Variants in JMJD1C observed in about 807,000 individuals in gnomAD.
JMJD1C encodes the protein jumonji domain-containing protein 1C.
Under a neutral mutation model 245.3 loss-of-function variants are expected in JMJD1C, and 31 were observed. The observed-to-expected ratio is 0.13, with a 90% CI of 0.09 to 0.17. The LOEUF is 0.17. Among genes scored for constraint, JMJD1C ranks in the 10% least tolerant of loss-of-function variants. The pLI, the probability that JMJD1C is intolerant of heterozygous loss-of-function variation, is 1.00. For missense variants in JMJD1C, 2,691 were observed against 3,000.2 expected (o/e 0.90, Z 2.41); for synonymous variants, 1,057 against 1,017.4 (o/e 1.04, Z -0.74).
intron 21 of JMJD1C, 133 bp from the exon 22 acceptor site, chr10:63,183,702 C>T: frequency 2.0e-6 from 1 of 497,842 alleles, no homozygotes. Context: ...ATTACAAAAA[C>T]CTGTTCCAAA....
intron 2 of JMJD1C, among the ~76,000 whole-genome samples, chr10:63,318,228 G>C (rs1940346048): frequency 6.6e-6 from 1 of 152,006 alleles, no homozygotes; most frequent in African/African-American, 2.4e-5. Context: ...TGTTGCCCAG[G>C]CTAGTCTTGA....
intron 1 of JMJD1C, among the ~76,000 whole-genome samples, chr10:63,497,452 A>G (rs1218054997): frequency 1.3e-5 from 2 of 152,242 alleles, no homozygotes; most frequent in African/African-American, 4.8e-5. Context: ...AGGCAAATCT[A>G]TAGAGACAGA....
In JMJD1C at chr10:63,208,739, T is replaced by C. The variant is rs777659851; in HGVS notation, c.2930A>G (p.Asn977Ser). ...LRSVASTSAK[N>S]DLDLNRSQTG... The stretch of plus-strand genomic sequence containing the variant: ...CTGTGACCTATTTAGATCCAGGTCA[T>C]TTTTGGCTGATGTGGATGCAACAGA... Residue 977 changes from asparagine (N) to serine (S), a missense_variant, in exon 10 of 26, where the codon AAT (asparagine) becomes AGT (serine). Physicochemically the swap from Asn to Ser is conservative, Grantham distance 46. Around this residue, in one of 9 missense-constraint regions of JMJD1C, gnomAD observed 1,562 missense variants for 1,490.7 expected, o/e 1.05. Transcript: ENST00000399262. 6.2e-7 allele frequency: 1 copy of C among 1,613,334 alleles called. No homozygotes were observed. The highest frequency in any genetic ancestry group is 8.5e-7 in the Non-Finnish European group (1 of 1,179,602).
intron 1 of JMJD1C, among the ~76,000 whole-genome samples, chr10:63,431,968 C>T (rs1343057586): frequency 1.3e-5 from 2 of 152,116 alleles, no homozygotes; most frequent in Admixed American, 6.5e-5. Flanking sequence ...GCCAAGATGG[C>T]GTCACTGCAC....
chr10:63,422,699 T>G (rs1211910417), intron 1 of JMJD1C, among the ~76,000 whole-genome samples: 1 of 152,218 alleles, frequency 6.6e-6, no homozygotes, highest in Non-Finnish European at 1.5e-5. Flanking sequence ...CTTCCTGAAT[T>G]TGATTACCAC....
chr10:63,466,102 G>A (rs1019493568), upstream of JMJD1C: 21 of 191,322 alleles, frequency 1.1e-4, no homozygotes, highest in Non-Finnish European at 2.0e-4. Context: ...CCGGCCCTGC[G>A]GAGGCGGCAG....
At chr10:63,368,555 G>A (rs1214662135) in intron 2 of JMJD1C, among the ~76,000 whole-genome samples, 1 of 152,166 alleles carries the variant, frequency 6.6e-6, no homozygotes, top group Non-Finnish European at 1.5e-5. Context: ...TTCTGCTGAG[G>A]CGGCATAGCA....
chr10:63,276,231 C>T (rs1856755330), intron 2 of JMJD1C, among the ~76,000 whole-genome samples: 1 of 152,034 alleles, frequency 6.6e-6, no homozygotes, highest in Non-Finnish European at 1.5e-5. Context: ...CTTTGGGAGG[C>T]CGAGGCGGGC....
chr10:63,336,001 G>C (rs1477948399), intron 2 of JMJD1C, among the ~76,000 whole-genome samples: 5 of 151,798 alleles, frequency 3.3e-5, no homozygotes, highest in Admixed American at 6.6e-5. Flanking sequence ...TGTGCCTGTA[G>C]TCCCAGCTAC....
chr10:63,405,086 C>T (rs1400588834), intron 1 of JMJD1C, among the ~76,000 whole-genome samples: 3 of 152,114 alleles, frequency 2.0e-5, no homozygotes, highest in Admixed American at 6.5e-5. Flanking sequence ...AAAATACTAC[C>T]ATCATATAAC....
At chr10:63,296,318 GATTC>G (rs1859429490) in intron 2 of JMJD1C, among the ~76,000 whole-genome samples, 1 of 151,848 alleles carries the variant, frequency 6.6e-6, no homozygotes, top group Non-Finnish European at 1.5e-5. Context: ...CTATCTTGTT[GATTC>G]ATTAATATTG....
At chr10:63,337,456 C>CG (rs1170416194) in intron 2 of JMJD1C, among the ~76,000 whole-genome samples, 487 of 2,086 alleles carry the variant, frequency 0.23, 79 homozygotes, top group Non-Finnish European at 0.36. Context: ...AAAGAGAAGG[C>CG]GGGGGGGGGG....
At position 63,214,227 on chromosome 10, in the gene JMJD1C, G is replaced by T. The variant is rs372654378; in HGVS notation, c.1940C>A (p.Pro647His). ...KSSPSPEVVKPKITHSPDSVK... is the reference protein window; with the variant it reads ...KSSPSPEVVKHKITHSPDSVK... ...AGAATCAGGAGAATGAGTTATTTTG[G>T]GTTTAACAACTTCAGGTGATGGGCT... The change falls in exon 8 of 26, where the codon CCC (proline) becomes CAC (histidine). Residue 647 changes from proline to histidine, a missense_variant. Physicochemically the swap from Pro to His is moderately conservative, Grantham distance 77. Around this residue, in one of 9 missense-constraint regions of JMJD1C, gnomAD observed 1,562 missense variants for 1,490.7 expected, o/e 1.05. Coordinates refer to ENST00000399262, the MANE Select transcript of JMJD1C (RefSeq NM_032776.3). The T allele has an allele frequency of 1.2e-6, 2 of 1,613,926 alleles. No individual in the cohort carries two copies. Among genetic ancestry groups the T allele is most frequent in the East Asian group, 2.2e-5 (1 of 44,868 alleles).
chr10:63,431,443 G>A (rs764062051), intron 1 of JMJD1C, among the ~76,000 whole-genome samples: 10 of 152,148 alleles, frequency 6.6e-5, no homozygotes, highest in Non-Finnish European at 1.3e-4. Flanking sequence ...AAAGTATGGT[G>A]GTTTCTGAGG....
chr10:63,284,730 A>C (rs1163789811), intron 2 of JMJD1C, among the ~76,000 whole-genome samples: 1 of 152,196 alleles, frequency 6.6e-6, no homozygotes, highest in Non-Finnish European at 1.5e-5. Context: ...AGATTAATAA[A>C]AACAAGCTAA....
intron 2 of JMJD1C, among the ~76,000 whole-genome samples, chr10:63,275,708 C>A (rs1391096910): frequency 6.6e-6 from 1 of 152,052 alleles, no homozygotes; most frequent in Non-Finnish European, 1.5e-5. Flanking sequence ...GTTTTCTTAA[C>A]AAGTAACATA....
intron 1 of JMJD1C, among the ~76,000 whole-genome samples, chr10:63,447,462 A>G (rs1239522203): frequency 6.6e-6 from 1 of 152,220 alleles, no homozygotes; most frequent in Non-Finnish European, 1.5e-5. Flanking sequence ...TTTGTCTGTA[A>G]TAAACTTCAA....
chr10:63,347,514 G>A (rs929063550), intron 2 of JMJD1C, among the ~76,000 whole-genome samples: 3 of 151,046 alleles, frequency 2.0e-5, no homozygotes, highest in Middle Eastern at 3.2e-3. Context: ...AACCCAGCAG[G>A]TGGAAGTTGC....
intron 2 of JMJD1C, among the ~76,000 whole-genome samples, chr10:63,357,826 G>GACACACACACACACACACAC: frequency 7.1e-6 from 1 of 140,536 alleles, no homozygotes; most frequent in South Asian, 2.3e-4. Context: ...CAGACAGACA[G>GACACACACACACACACACAC]ACACACACAC....
Sources: allele counts gnomAD v4.1 joint callset (sites outside exome capture counted in the v4.1 genomes callset), GRCh38; gene constraint gnomAD v4.1.1; regional missense constraint gnomAD v4.1.1; transcripts MANE v1.5; gene names NCBI Gene and HGNC (gene_info 2026-07-23, HGNC 2026-07-21).